The following KCNQ5 variants were observed in gnomAD, a reference collection of about 807,000 sequenced individuals.
KCNQ5 encodes potassium voltage-gated channel subfamily Q member 5.
In KCNQ5, 30 loss-of-function variants were observed where a neutral mutation model predicts 98.2. The ratio of observed to expected loss-of-function variants is 0.31; its 90% confidence interval spans 0.23 to 0.41. The LOEUF (loss-of-function observed/expected upper bound fraction) is 0.41. Among genes scored for constraint, KCNQ5 ranks in the 10% least tolerant of loss-of-function variants. KCNQ5 has a pLI of 1.00. For missense variants in KCNQ5, 835 were observed against 1,182.5 expected (o/e 0.71, Z 4.31); for synonymous variants, 458 against 449.4 (o/e 1.02, Z -0.24).
At chr6:72,727,292 A>C (rs892629682) in intron 1 of KCNQ5, among the ~76,000 whole-genome samples, 1 of 152,204 alleles carries the variant, frequency 6.6e-6, no homozygotes, top group Non-Finnish European at 1.5e-5. Context: ...CACCTTGATC[A>C]AGATTTATGA....
intron 1 of KCNQ5, among the ~76,000 whole-genome samples, chr6:72,863,868 TG>T (rs1654655307): frequency 6.6e-6 from 1 of 152,204 alleles, no homozygotes; most frequent in East Asian, 1.9e-4. Context: ...CACAAATAAT[TG>T]TAAGTCTTGT....
intron 2 of KCNQ5, among the ~76,000 whole-genome samples, chr6:73,033,958 G>A (rs1771275261): frequency 6.6e-6 from 1 of 152,192 alleles, no homozygotes; most frequent in African/African-American, 2.4e-5. Context: ...ATGATGGTAT[G>A]TGATGTTCTA....
chr6:72,818,721 T>G (rs1367939225), intron 1 of KCNQ5, among the ~76,000 whole-genome samples: 1 of 151,356 alleles, frequency 6.6e-6, no homozygotes, highest in Non-Finnish European at 1.5e-5. Flanking sequence ...ACTAAATGAT[T>G]CTTTAATAAT....
At chr6:72,664,375 C>T (rs114553758) in intron 1 of KCNQ5, among the ~76,000 whole-genome samples, 1,700 of 152,116 alleles carry the variant, frequency 0.011, 33 homozygotes, top group African/African-American at 0.039. Flanking sequence ...GAAATCAGGC[C>T]GGGTGCGGTG....
chr6:72,977,914 A>G (rs1768234328), intron 1 of KCNQ5, among the ~76,000 whole-genome samples: 1 of 152,218 alleles, frequency 6.6e-6, no homozygotes. Context: ...TGCCTGGCAC[A>G]TAGTAGCCCC....
intron 1 of KCNQ5, among the ~76,000 whole-genome samples, chr6:72,767,882 T>C (rs1203972526): frequency 6.6e-6 from 1 of 151,960 alleles, no homozygotes; most frequent in African/African-American, 2.4e-5. Context: ...TACATGCTGG[T>C]AGGAATGTAA....
chr6:72,622,841 C>T lies in KCNQ5; in HGVS notation c.398+254C>T, dbSNP rs528511905. On this transcript the variant is annotated intron_variant, in intron 1 of 13. Coordinates refer to ENST00000370398, the MANE Select transcript of KCNQ5 (RefSeq NM_019842.4). The surrounding 1 kb of genome is among the most constrained non-coding windows in gnomAD (Gnocchi z 6.0). ...GCCCGGTAGCTTCAGGCTCCCGGGG[C>T]GAGAGCCAGGCAGACGCGGGACTTA... is the stretch of plus-strand genomic sequence containing the variant. Among the ~76,000 whole-genome samples the T allele has an allele frequency of 3.2e-4, 48 of 152,266 alleles. No individual in the cohort carries two copies. The highest frequency in any genetic ancestry group is 1.1e-3 in the African/African-American group (47 of 41,560).
At chr6:72,658,574 A>ATTT (rs1398794999) in intron 1 of KCNQ5, among the ~76,000 whole-genome samples, 3 of 65,470 alleles carry the variant, frequency 4.6e-5, no homozygotes, top group African/African-American at 6.3e-5. Context: ...ATATATATAT[A>ATTT]TATATTTTTT....
intron 1 of KCNQ5, among the ~76,000 whole-genome samples, chr6:72,808,990 C>A (rs1019498517): frequency 6.6e-6 from 1 of 151,074 alleles, no homozygotes; most frequent in African/African-American, 2.4e-5. Context: ...TGGAACCAAC[C>A]CAAATGTCCA....
At chr6:72,887,393 A>AC (rs1021748969) in intron 1 of KCNQ5, among the ~76,000 whole-genome samples, 1 of 151,900 alleles carries the variant, frequency 6.6e-6, no homozygotes, top group African/African-American at 2.4e-5. Flanking sequence ...GGAAAGACCC[A>AC]CCCCCATAAT....
chr6:72,841,070 A>G (rs1195832801), intron 1 of KCNQ5, among the ~76,000 whole-genome samples: 1 of 152,194 alleles, frequency 6.6e-6, no homozygotes, highest in African/African-American at 2.4e-5. Context: ...AATACGTAAT[A>G]TAGAATTGCC....
chr6:72,911,100 G>A (rs1433889299), intron 1 of KCNQ5, among the ~76,000 whole-genome samples: 1 of 152,168 alleles, frequency 6.6e-6, no homozygotes, highest in East Asian at 1.9e-4. Flanking sequence ...AGGCTTTACA[G>A]CAAGAAAATG....
Position 72,987,366 on chromosome 6 carries a change from G to C in KCNQ5, c.399-16542G>C, listed in dbSNP as rs1192124929. On this transcript the variant is annotated intron_variant, in intron 1 of 13. Coordinates refer to ENST00000370398, the MANE Select transcript of KCNQ5 (RefSeq NM_019842.4). ...GCGAAAGGCCTTGCAAGGAGAGATC[G>C]ATCGAGAGTCAGGCAAAACGGAAGC... The C allele has an allele frequency of 4.4e-5, 32 of 719,442 alleles. No individual in the cohort carries two copies. The East Asian group carries it at 5.1e-4, about 11-fold the overall frequency. 44.6% of individuals were successfully genotyped at this position (719,442 alleles called of 1,614,324 possible).
rs377401330 is a variant in KCNQ5 at position 73,195,425 on chromosome 6, T to C, written c.*11T>C. On this transcript the variant is annotated 3_prime_UTR_variant, in exon 14 of 14. Transcript: ENST00000370398. ...GTCAAACTGAAATAAGTTCTTCATT[T>C]TCTTTCCAGGCATAGCAGTTCTTTA... The C allele has an allele frequency of 6.2e-7, 1 of 1,608,070 alleles. No individual in the cohort carries two copies. Among genetic ancestry groups the C allele is most frequent in the Non-Finnish European group, 8.5e-7 (1 of 1,175,736 alleles).
At chr6:72,749,679 G>T (rs1324547960) in intron 1 of KCNQ5, among the ~76,000 whole-genome samples, 1 of 151,886 alleles carries the variant, frequency 6.6e-6, no homozygotes, top group Non-Finnish European at 1.5e-5. Flanking sequence ...GGCACAAATA[G>T]CCCACATAGG....
At chr6:72,762,962 G>A (rs890482214) in intron 1 of KCNQ5, among the ~76,000 whole-genome samples, 1 of 151,898 alleles carries the variant, frequency 6.6e-6, no homozygotes, top group Non-Finnish European at 1.5e-5. Context: ...CTTGTAGTAA[G>A]CACACACATG....
In KCNQ5 at chr6:72,784,108, G is replaced by A. The variant is rs150089169; in HGVS notation, c.398+161521G>A. Among the ~76,000 whole-genome samples the A allele has an allele frequency of 4.5e-3, 686 of 152,206 alleles. 8 individuals are homozygous for A. The highest frequency in any genetic ancestry group is 0.014 in the African/African-American group (590 of 41,526). ...TCTGGTGGCAATCTCATCCCTCCTC[G>A]AATCGTCAACCCTTCTGGCCAAGGG... is the stretch of plus-strand genomic sequence containing the variant. On this transcript the variant is annotated intron_variant, in intron 1 of 13. Transcript: ENST00000370398.
chr6:72,727,721 T>C (rs2154475631), intron 1 of KCNQ5, among the ~76,000 whole-genome samples: 1 of 152,324 alleles, frequency 6.6e-6, no homozygotes, highest in East Asian at 1.9e-4. Context: ...GAAGTATTTA[T>C]TTCTTCCTCT....
chr6:72,851,651 T>G (rs1777262233), intron 1 of KCNQ5, among the ~76,000 whole-genome samples: 1 of 152,184 alleles, frequency 6.6e-6, no homozygotes, highest in South Asian at 2.1e-4. Context: ...TATATTCAAC[T>G]GATTTGAGTC....
Sources: allele counts gnomAD v4.1 joint callset (sites outside exome capture counted in the v4.1 genomes callset), GRCh38; gene constraint gnomAD v4.1.1; non-coding constraint Gnocchi (gnomAD v3.1); transcripts MANE v1.5; gene names NCBI Gene and HGNC (gene_info 2026-07-23, HGNC 2026-07-21).